Variants in TUT4 observed in about 807,000 individuals in gnomAD.
The protein encoded by TUT4 is terminal uridylyl transferase 4.
Under a neutral mutation model 192.2 loss-of-function variants are expected in TUT4, and 36 were observed. The ratio of observed to expected loss-of-function variants is 0.19; its 90% confidence interval spans 0.14 to 0.25. TUT4 has a LOEUF of 0.25. Ranked by LOEUF, TUT4 falls within the 10% of genes least tolerant of loss-of-function variation. The pLI is 1.00. For missense variants in TUT4, 1,493 were observed against 1,957.2 expected (o/e 0.76, Z 4.47); for synonymous variants, 618 against 666.0 (o/e 0.93, Z 1.11).
chr1:52,538,178 G>C (rs190997009), intron 1 of TUT4, among the ~76,000 whole-genome samples: 2 of 152,302 alleles, frequency 1.3e-5, no homozygotes, highest in African/African-American at 4.8e-5. Flanking sequence ...GGAGGTTGCA[G>C]TGAGCCAAGA....
intron 28 of TUT4, among the ~76,000 whole-genome samples, chr1:52,428,065 TA>T (rs1160931863): frequency 1.3e-5 from 2 of 152,158 alleles, no homozygotes; most frequent in African/African-American, 4.8e-5. Context: ...TACAGTGCCT[TA>T]TAGTTAATAT....
chr1:52,479,229 G>A (rs1401422160), intron 11 of TUT4, among the ~76,000 whole-genome samples: 4 of 152,188 alleles, frequency 2.6e-5, no homozygotes, highest in Non-Finnish European at 5.9e-5. Flanking sequence ...CAAAGAGCCA[G>A]GAAGGGCTGT....
At chr1:52,430,403 C>T (rs1651688274) in intron 28 of TUT4, among the ~76,000 whole-genome samples, 1 of 152,188 alleles carries the variant, frequency 6.6e-6, no homozygotes, top group African/African-American at 2.4e-5. Flanking sequence ...CTGCCTCAGC[C>T]TCCCACATAG....
In TUT4 at chr1:52,488,958, A is replaced by G. The variant is rs1480404584; in HGVS notation, c.1466T>C (p.Ile489Thr). The change falls in exon 9 of 30, where the codon ATA (isoleucine) becomes ACA (threonine). Residue 489 changes from isoleucine to threonine, a missense_variant. Ile to Thr is a moderately conservative substitution (Grantham distance 89). Transcript: ENST00000257177. Reference sequence around the variant, plus strand: ...CACCAAGGGAATAAAGACAGGTTCTATTTTGCCAAGGGCAGTAAGTAAATC... The same window carrying G: ...CACCAAGGGAATAAAGACAGGTTCTGTTTTGCCAAGGGCAGTAAGTAAATC... ...TTDLLTALGK[I>T]EPVFIPLVLA... 1.2e-6 allele frequency: 2 copies of G among 1,613,790 alleles called. No homozygotes were observed. The highest frequency in any genetic ancestry group is 8.5e-7 in the Non-Finnish European group (1 of 1,179,900).
chr1:52,530,007 CA>C (rs1029526871), intron 1 of TUT4: 9 of 152,018 alleles, frequency 5.9e-5, no homozygotes, highest in African/African-American at 2.2e-4. Flanking sequence ...CATGCCAAGC[CA>C]ATTCTTGTAT....
chr1:52,547,499 G>C (rs765428564), intron 1 of TUT4, among the ~76,000 whole-genome samples: 9 of 151,882 alleles, frequency 5.9e-5, no homozygotes, highest in Non-Finnish European at 1.0e-4. Flanking sequence ...TAAGTTTATC[G>C]AAACACCCAG....
intron 1 of TUT4, among the ~76,000 whole-genome samples, chr1:52,537,640 C>A (rs138113477): frequency 6.6e-6 from 1 of 152,132 alleles, no homozygotes; most frequent in South Asian, 2.1e-4. Flanking sequence ...TGGCTCAGCG[C>A]GGTGGCTCAT....
At position 52,481,560 on chromosome 1, in the gene TUT4, C is replaced by T; in HGVS notation, c.1711G>A (p.Glu571Lys). The T allele has an allele frequency of 1.9e-6, 3 of 1,613,822 alleles. No homozygotes were observed. The highest frequency in any genetic ancestry group is 2.5e-6 in the Non-Finnish European group (3 of 1,179,968). The change falls in exon 11 of 30, where the codon GAA becomes AAA. Residue 571 changes from glutamate to lysine, a missense_variant. Glu to Lys is a moderately conservative substitution (Grantham distance 56). This residue lies in a region of TUT4 where 437 missense variants were observed against 577.6 expected (regional missense o/e 0.76). Coordinates refer to ENST00000257177, the MANE Select transcript of TUT4 (RefSeq NM_001009881.3). ...GIVEEKFVKW[E>K]CNSSSATEKN... The stretch of plus-strand genomic sequence containing the variant: ...TCAGTTGCACTACTTGAATTACATT[C>T]CCACTTCACAAACTTCTCTTCTACT...
chr1:52,529,432 T>C (rs529305803), intron 1 of TUT4, among the ~76,000 whole-genome samples: 28 of 152,326 alleles, frequency 1.8e-4, no homozygotes, highest in Middle Eastern at 3.4e-3. Context: ...TTGTGAGAAC[T>C]GCTGCAGGTT....
chr1:52,537,723 G>GCCAA (rs1685319855), intron 1 of TUT4, among the ~76,000 whole-genome samples: 1 of 152,088 alleles, frequency 6.6e-6, no homozygotes, highest in South Asian at 2.1e-4. Context: ...GACCAGCCTG[G>GCCAA]CCAACATGGC....
chr1:52,440,366 A>T (rs981161688), intron 24 of TUT4, among the ~76,000 whole-genome samples: 1 of 150,994 alleles, frequency 6.6e-6, no homozygotes. Flanking sequence ...CCTGGCCTCA[A>T]GCGATCTTCC....
chr1:52,469,428 C>T (rs1027705324), intron 14 of TUT4, among the ~76,000 whole-genome samples: 3 of 152,024 alleles, frequency 2.0e-5, no homozygotes, highest in African/African-American at 4.8e-5. Flanking sequence ...GTTAACAGTT[C>T]TGATACTGCT....
At chr1:52,470,986 C>G (rs17107236) in intron 14 of TUT4, among the ~76,000 whole-genome samples, 1,673 of 148,328 alleles carry the variant, frequency 0.011, 32 homozygotes, top group African/African-American at 0.039. Context: ...ATTATTCCCC[C>G]AAACAAATTA....
intron 5 of TUT4, among the ~76,000 whole-genome samples, chr1:52,496,307 T>A (rs778050323): frequency 6.6e-6 from 1 of 152,154 alleles, no homozygotes; most frequent in Non-Finnish European, 1.5e-5. Flanking sequence ...TTTTTACATG[T>A]AACTTAAACA....
Position 52,431,138 on chromosome 1 carries a change from G to C in TUT4, c.4586C>G (p.Pro1529Arg). 1 of 1,614,218 alleles carries C rather than the reference G, an allele frequency of 6.2e-7. No homozygotes were observed. Among genetic ancestry groups the C allele is most frequent in the Non-Finnish European group, 8.5e-7 (1 of 1,180,038 alleles). Residue 1529 changes from proline (P) to arginine (R), a missense_variant, in exon 28 of 30, where the codon CCC becomes CGC. Coordinates refer to ENST00000257177, the MANE Select transcript of TUT4 (RefSeq NM_001009881.3). ...AGCAGGCTGTGCAAAGATGATGCTG[G>C]GATCATTTAGGCCAATATTGCTGGG... ...SAPSNIGLND[P>R]SIIFAQPAAR...
chr1:52,493,223 A>G (rs184385920), intron 7 of TUT4, among the ~76,000 whole-genome samples: 18 of 152,254 alleles, frequency 1.2e-4, no homozygotes, highest in Admixed American at 1.0e-3. Flanking sequence ...AGCTGGGACT[A>G]CAGGTACGTG....
At chr1:52,459,801 G>C (rs1257037431) in intron 19 of TUT4, among the ~76,000 whole-genome samples, 1 of 149,338 alleles carries the variant, frequency 6.7e-6, no homozygotes, top group South Asian at 2.1e-4. Context: ...AAAACTGCTT[G>C]AATCTAGGAG....
chr1:52,532,792 CAG>C (rs1683850871), intron 1 of TUT4, among the ~76,000 whole-genome samples: 1 of 152,168 alleles, frequency 6.6e-6, no homozygotes, highest in African/African-American at 2.4e-5. Context: ...TACTGTAGCA[CAG>C]AGTTTCCTAA....
intron 1 of TUT4, among the ~76,000 whole-genome samples, chr1:52,527,319 G>T (rs531331256): frequency 6.6e-6 from 1 of 152,104 alleles, no homozygotes; most frequent in African/African-American, 2.4e-5. Flanking sequence ...AGGCCAAGGC[G>T]GGCGGATCAC....
Sources: allele counts gnomAD v4.1 joint callset (sites outside exome capture counted in the v4.1 genomes callset), GRCh38; gene constraint gnomAD v4.1.1; regional missense constraint gnomAD v4.1.1; transcripts MANE v1.5; gene names NCBI Gene and HGNC (gene_info 2026-07-23, HGNC 2026-07-21).